The following RNF123 variants were observed in gnomAD, a reference collection of about 807,000 sequenced individuals.
The protein encoded by RNF123 is ring finger protein 123.
Under a neutral mutation model 168.5 loss-of-function variants are expected in RNF123, and 86 were observed. The ratio of observed to expected loss-of-function variants is 0.51; its 90% CI spans 0.43 to 0.61. The LOEUF (loss-of-function observed/expected upper bound fraction) is 0.61. Ranked by LOEUF, RNF123 falls within the 20% of genes least tolerant of loss-of-function variation. The pLI is 0.00. For missense variants in RNF123, 1,419 were observed against 1,729.7 expected (o/e 0.82, Z 3.19); for synonymous variants, 666 against 689.1 (o/e 0.97, Z 0.52).
intron 27 of RNF123, chr3:49,713,197 G>T (rs1419009536): frequency 1.4e-5 from 8 of 591,348 alleles, no homozygotes; most frequent in Non-Finnish European, 2.1e-5. Flanking sequence ...CCTCAGTGCA[G>T]GCTTTGTCTT....
At chr3:49,716,058 G>T in intron 33 of RNF123, 44 bp from the exon 34 acceptor site, 1 of 1,613,548 alleles carries the variant, frequency 6.2e-7, no homozygotes, top group Admixed American at 1.7e-5. Flanking sequence ...ATGCCCCATT[G>T]ATGACGCTCC....
chr3:49,705,132 A>G lies in RNF123; in HGVS notation c.2108A>G (p.Glu703Gly). Residue 703 changes from glutamate to glycine, a missense_variant, in exon 23 of 39, where the codon GAG becomes GGG. Glu to Gly is a moderately conservative substitution (Grantham distance 98). This residue lies in a region of RNF123 where 538 missense variants were observed against 708.8 expected (regional missense o/e 0.76). Coordinates refer to ENST00000327697, the MANE Select transcript of RNF123 (RefSeq NM_022064.5). ...CCACGGCGGCCTCTGAGCACCTCGGAGAAAGTGAAGGTCCGCACGCTGAGC... is the reference window on the plus strand; with the variant it reads ...CCACGGCGGCCTCTGAGCACCTCGGGGAAAGTGAAGGTCCGCACGCTGAGC... ...MTPRRPLSTSEKVKVRTLSVE... is the reference protein window; with the variant it reads ...MTPRRPLSTSGKVKVRTLSVE... 1 of 1,609,780 alleles carries G rather than the reference A, an allele frequency of 6.2e-7. No homozygotes were observed. Among genetic ancestry groups the G allele is most frequent in the Non-Finnish European group, 8.5e-7 (1 of 1,178,010 alleles).
rs373632493 is a variant in RNF123 at position 49,712,511 on chromosome 3, C to T, written c.2529C>T (p.Arg843=). ...TGCTGGACATCTACTGGCTGCTGCG[C>T]GTCTGCCTGCGGACCATTGAGCACG... ...EKMLDIYWLL[R]VCLRTIEHGD... Residue 843 remains arginine (R), a synonymous_variant, in exon 27 of 39, where the codon CGC becomes CGT. Coordinates refer to ENST00000327697, the MANE Select transcript of RNF123 (RefSeq NM_022064.5). The T allele has an allele frequency of 1.5e-5, 24 of 1,613,998 alleles. No individual in the cohort carries two copies. Among genetic ancestry groups the T allele is most frequent in the South Asian group, 9.9e-5 (9 of 91,088 alleles).
intron 1 of RNF123, among the ~76,000 whole-genome samples, chr3:49,690,365 TTAAG>T (rs1392427375): frequency 1.3e-5 from 2 of 152,204 alleles, no homozygotes; most frequent in Non-Finnish European, 2.9e-5. Context: ...AACTTTAAAT[TTAAG>T]TAACCTCATG....
At chr3:49,712,990 CTGGTCACAAAGCGTAGCAGT>C in intron 27 of RNF123, 1 of 698,714 alleles carries the variant, frequency 1.4e-6, no homozygotes, top group Non-Finnish European at 2.6e-6. Flanking sequence ...CTCCCTGGCA[CTGGTCACAAAGCGTAGCAGT>C]TGGTCAGGGG....
At chr3:49,719,288 G>T in intron 35 of RNF123, 1 of 1,613,272 alleles carries the variant, frequency 6.2e-7, no homozygotes, top group Non-Finnish European at 8.5e-7. Context: ...GTAGCGGCAG[G>T]TAACTCGGCT....
At chr3:49,695,009 C>T (rs1218322033) in intron 3 of RNF123, among the ~76,000 whole-genome samples, 1 of 152,236 alleles carries the variant, frequency 6.6e-6, no homozygotes, top group Non-Finnish European at 1.5e-5. Context: ...GCTGTAGGCA[C>T]TCAGTGGTGG....
At chr3:49,718,853 C>T (rs2080315368) in intron 35 of RNF123, 1 of 1,613,302 alleles carries the variant, frequency 6.2e-7, no homozygotes, top group African/African-American at 1.3e-5. Context: ...GCCGGCAGCG[C>T]GGCCAGCTCA....
chr3:49,716,325 G>C, intron 34 of RNF123, 68 bp from the exon 35 acceptor site: 2 of 1,563,286 alleles, frequency 1.3e-6, no homozygotes, highest in Non-Finnish European at 1.8e-6. Flanking sequence ...AGAGGGCAGT[G>C]GGCAGGCCTG....
At chr3:49,718,487 C>T in intron 35 of RNF123, 1 of 1,613,108 alleles carries the variant, frequency 6.2e-7, no homozygotes, top group Non-Finnish European at 8.5e-7. Flanking sequence ...GCGATGCTGC[C>T]ATCGCGGGAT....
chr3:49,715,840 C>T lies in RNF123; in HGVS notation c.3169C>T (p.Arg1057Cys), dbSNP rs759961569. 22 of 1,613,908 alleles carry T rather than the reference C, an allele frequency of 1.4e-5. No homozygotes were observed. The highest frequency in any genetic ancestry group is 4.5e-5 in the East Asian group (2 of 44,904). ...MIQEIQQAAE[R>C]LERNFVDSRQ... ...GGCTCAGATCCAGCAGGCTGCTGAG[C>T]GCCTGGAGCGGAACTTTGTGGACAG... is the stretch of plus-strand genomic sequence containing the variant. The change falls in exon 33 of 39, where the codon CGC becomes TGC. Residue 1057 changes from arginine (R) to cysteine (C), a missense_variant. Physicochemically the swap from Arg to Cys is radical, Grantham distance 180. Transcript: ENST00000327697.
chr3:49,700,525 G>T lies in RNF123; in HGVS notation c.1164G>T (p.Leu388=), dbSNP rs753825503. The T allele has an allele frequency of 1.9e-6, 3 of 1,614,200 alleles. No individual in the cohort carries two copies. Among genetic ancestry groups the T allele is most frequent in the South Asian group, 2.2e-5 (2 of 91,084 alleles). ...AGTTGATGATGTCTCTGCTTCGGCT[G>T]TACCGATTCTCACCCATTGTCCCAG... The part of the protein sequence containing the change: ...LKQLMMSLLR[L]YRFSPIVPDL... Residue 388 remains leucine (L), a synonymous_variant, in exon 14 of 39, where the codon CTG becomes CTT. Transcript: ENST00000327697.
At chr3:49,697,325 T>C in intron 4 of RNF123, 38 bp from the exon 5 acceptor site, 2 of 1,600,526 alleles carry the variant, frequency 1.2e-6, no homozygotes, top group South Asian at 1.1e-5. Context: ...TCCTGTCAAA[T>C]GCTCCACCCT....
At chr3:49,706,321 C>T (rs2054518442) in intron 25 of RNF123, among the ~76,000 whole-genome samples, 1 of 152,228 alleles carries the variant, frequency 6.6e-6, no homozygotes, top group African/African-American at 2.4e-5. Flanking sequence ...TTCATTGACC[C>T]TGAGTGCTTC....
chr3:49,719,636 G>A (rs998577535), intron 35 of RNF123: 21 of 612,824 alleles, frequency 3.4e-5, no homozygotes, highest in Non-Finnish European at 6.1e-5. Context: ...AGGTTGTGAG[G>A]CGGTGCGGCA....
chr3:49,697,480 G>A, intron 5 of RNF123, 23 bp downstream of exon 5: 1 of 1,558,114 alleles, frequency 6.4e-7, no homozygotes. Context: ...GAGGTGTGGA[G>A]ACCCAGGTCC....
intron 35 of RNF123, chr3:49,718,176 G>A: frequency 1.2e-6 from 2 of 1,613,170 alleles, no homozygotes; most frequent in Non-Finnish European, 1.7e-6. Flanking sequence ...AGGACTGTGC[G>A]CTCAGCTCTT....
intron 12 of RNF123, 137 bp from the exon 13 acceptor site, chr3:49,700,090 G>C: frequency 2.4e-6 from 3 of 1,265,444 alleles, no homozygotes; most frequent in Non-Finnish European, 3.2e-6. Flanking sequence ...ACCCCGGAAG[G>C]GGTCATCTAT....
chr3:49,706,890 T>G lies in RNF123; in HGVS notation c.2488T>G (p.Tyr830Asp). The G allele has an allele frequency of 6.2e-7, 1 of 1,613,996 alleles. No individual in the cohort carries two copies. Among genetic ancestry groups the G allele is most frequent in the Non-Finnish European group, 8.5e-7 (1 of 1,179,836 alleles). Reference protein sequence around the residue: ...RRLAWVHATVYSQEKMLDIYW... With the variant: ...RRLAWVHATVDSQEKMLDIYW... Reference sequence around the variant, plus strand: ...TCTTGCCTGGGTCCATGCCACTGTCTACTCCCAGGTGTGCTGGTATTGCAG... The same window carrying G: ...TCTTGCCTGGGTCCATGCCACTGTCGACTCCCAGGTGTGCTGGTATTGCAG... Residue 830 changes from tyrosine (Y) to aspartate (D), a missense_variant, in exon 26 of 39, where the codon TAC (tyrosine) becomes GAC (aspartate). Coordinates refer to ENST00000327697, the MANE Select transcript of RNF123 (RefSeq NM_022064.5).
Sources: allele counts gnomAD v4.1 joint callset (sites outside exome capture counted in the v4.1 genomes callset), GRCh38; gene constraint gnomAD v4.1.1; regional missense constraint gnomAD v4.1.1; transcripts MANE v1.5; gene names NCBI Gene and HGNC (gene_info 2026-07-23, HGNC 2026-07-21).